Variants in ROBO2 observed in about 807,000 individuals in gnomAD.
The protein encoded by ROBO2 is roundabout homolog 2.
ROBO2 carries 53 observed loss-of-function variants against 160.8 expected under a neutral mutation model. The observed-to-expected ratio is 0.33, with a 90% CI of 0.26 to 0.41. ROBO2 has a LOEUF of 0.41. Ranked by LOEUF, ROBO2 falls within the 10% of genes least tolerant of loss-of-function variation. The probability of loss-of-function intolerance (pLI) is 1.00; values close to 1 mark genes in which losing one functional copy is unlikely to be tolerated. For missense variants in ROBO2, 1,577 were observed against 1,722.4 expected (o/e 0.92, Z 1.49); for synonymous variants, 664 against 611.7 (o/e 1.09, Z -1.26).
chr3:76,594,823 T>C (rs931537437), intron 2 of ROBO2, among the ~76,000 whole-genome samples: 5 of 152,100 alleles, frequency 3.3e-5, no homozygotes, highest in Non-Finnish European at 7.4e-5. Flanking sequence ...CTGAGTTACT[T>C]GTGTAGCATT....
intron 2 of ROBO2, among the ~76,000 whole-genome samples, chr3:76,474,987 A>C (rs1045698972): frequency 2.6e-5 from 4 of 152,088 alleles, no homozygotes; most frequent in Admixed American, 1.3e-4. Context: ...TGAACGCCCT[A>C]CTTCCATCGT....
At chr3:77,075,665 C>CTT (rs2067901346) in intron 1 of ROBO2, among the ~76,000 whole-genome samples, 1 of 92,218 alleles carries the variant, frequency 1.1e-5, no homozygotes, top group Non-Finnish European at 2.0e-5. Context: ...CTATTTCTTT[C>CTT]TTTCTCCTTT....
chr3:76,840,219 C>T (rs149224618), intron 2 of ROBO2, among the ~76,000 whole-genome samples: 40 of 149,206 alleles, frequency 2.7e-4, no homozygotes, highest in East Asian at 2.5e-3. Flanking sequence ...CTTTTTTTTC[C>T]GATTTTGGGT....
intron 2 of ROBO2, among the ~76,000 whole-genome samples, chr3:76,189,129 A>C (rs563314979): frequency 3.9e-4 from 60 of 152,218 alleles, no homozygotes; most frequent in African/African-American, 1.3e-3. Flanking sequence ...GAAAGTTGGC[A>C]GTGAAATGAG....
At chr3:77,517,736 T>C (rs1316355059) in intron 5 of ROBO2, among the ~76,000 whole-genome samples, 1 of 151,438 alleles carries the variant, frequency 6.6e-6, no homozygotes, top group Non-Finnish European at 1.5e-5. Context: ...TGGCACAGCA[T>C]TCTGAGTAAC....
Position 77,440,489 on chromosome 3 carries a change from A to T in ROBO2, c.389-36925A>T, listed in dbSNP as rs115632957. On this transcript the variant is annotated intron_variant, in intron 2 of 25. Transcript: ENST00000461745. ...AATGTACTTTTATAATGAGCTGTGC[A>T]TATGGCTTTAGTAGTTAAAATATGC... Among the ~76,000 whole-genome samples the T allele has an allele frequency of 6.2e-3, 940 of 152,296 alleles. 11 individuals carry two copies. The highest frequency in any genetic ancestry group is 0.021 in the African/African-American group (880 of 41,568).
In ROBO2 at chr3:76,366,741, T is replaced by A. The variant is rs574078454; in HGVS notation, c.109+429139T>A. 7.2e-5 allele frequency among the ~76,000 whole-genome samples: 11 copies of A among 152,120 alleles called. No homozygotes were observed. The East Asian group carries it at 2.1e-3, about 30-fold the overall frequency. ...TATAGTAAACCATACACCAAAAAGA[T>A]TATTCTATGTATGATCACTTACACA... On this transcript the variant is annotated intron_variant, in intron 2 of 26. Coordinates refer to the ROBO2 transcript ENST00000487694.
intron 2 of ROBO2, among the ~76,000 whole-genome samples, chr3:77,129,294 G>T (rs916891842): frequency 5.9e-5 from 9 of 152,082 alleles, no homozygotes; most frequent in African/African-American, 2.2e-4. Context: ...CAAGCTATTA[G>T]GTTTATGCAA....
At chr3:77,109,194 C>G (rs367905678) in intron 2 of ROBO2, among the ~76,000 whole-genome samples, 1 of 152,122 alleles carries the variant, frequency 6.6e-6, no homozygotes, top group Non-Finnish European at 1.5e-5. Flanking sequence ...TTCTACTGGT[C>G]GGTACTCACC....
chr3:77,563,257 G>C (rs1461186443), exon 11 of ROBO2: 1 of 1,613,592 alleles, frequency 6.2e-7, no homozygotes, highest in African/African-American at 1.3e-5. Context: ...ACTAAGAACA[G>C]TGTCACCTTG....
At chr3:77,491,935 A>T (rs892361333) in intron 4 of ROBO2, among the ~76,000 whole-genome samples, 5 of 152,154 alleles carry the variant, frequency 3.3e-5, no homozygotes, top group African/African-American at 1.2e-4. Context: ...CAACTTACAC[A>T]TTTGTTTTAT....
chr3:76,135,415 A>G (rs1348672474), intron 2 of ROBO2, among the ~76,000 whole-genome samples: 2 of 152,116 alleles, frequency 1.3e-5, no homozygotes, highest in Non-Finnish European at 1.5e-5. Context: ...TTAATGGTTG[A>G]GGATGATATT....
intron 2 of ROBO2, among the ~76,000 whole-genome samples, chr3:76,918,316 A>C (rs969651062): frequency 6.6e-6 from 1 of 152,064 alleles, no homozygotes; most frequent in Non-Finnish European, 1.5e-5. Flanking sequence ...CCCTCTTTGC[A>C]CTTATTCTCT....
chr3:77,169,769 G>T lies in ROBO2; in HGVS notation c.388+71429G>T, dbSNP rs2079447800. Among the ~76,000 whole-genome samples the T allele has an allele frequency of 3.9e-5, 6 of 151,986 alleles. No individual in the cohort carries two copies. In the South Asian group the frequency reaches 1.0e-3, roughly 26 times the overall value. On this transcript the variant is annotated intron_variant, in intron 2 of 25. Transcript: ENST00000461745. ...TTATTTTTTCATTTTAAAGATAAAG[G>T]TCACTCTAAGAAGGTAGTTCCTGAG...
At chr3:77,247,086 C>G (rs2089812768) in intron 2 of ROBO2, among the ~76,000 whole-genome samples, 1 of 152,174 alleles carries the variant, frequency 6.6e-6, no homozygotes, top group Non-Finnish European at 1.5e-5. Context: ...ACAATTGTAT[C>G]TATTATTTTA....
chr3:76,380,714 A>G (rs994832016), intron 2 of ROBO2, among the ~76,000 whole-genome samples: 12 of 150,900 alleles, frequency 8.0e-5, no homozygotes, highest in Non-Finnish European at 1.6e-4. Context: ...GGGAAAGTCA[A>G]ACGTTATATG....
intron 1 of ROBO2, among the ~76,000 whole-genome samples, chr3:77,060,935 C>T (rs2066236795): frequency 6.6e-6 from 1 of 151,516 alleles, no homozygotes; most frequent in South Asian, 2.1e-4. Context: ...GAAAACCTAA[C>T]ATTTTTTTTT....
intron 2 of ROBO2, among the ~76,000 whole-genome samples, chr3:76,320,138 T>C (rs2072395832): frequency 2.6e-5 from 4 of 152,172 alleles, no homozygotes; most frequent in African/African-American, 9.7e-5. Context: ...GAAATTCTTT[T>C]ATAGAATTAA....
intron 2 of ROBO2, among the ~76,000 whole-genome samples, chr3:76,776,430 T>C (rs552902332): frequency 2.3e-4 from 35 of 151,090 alleles, no homozygotes; most frequent in African/African-American, 7.2e-4. Flanking sequence ...ATAAGTATTG[T>C]TTTGATCATT....
Sources: gnomAD v4.1 joint callset for allele counts (sites outside exome capture counted in the v4.1 genomes callset) on GRCh38, gnomAD v4.1.1 for gene constraint, MANE v1.5 for transcripts, NCBI Gene and HGNC (gene_info 2026-07-23, HGNC 2026-07-21) for gene names.